ST3GAL1: variants seen among roughly 807,000 people sequenced by gnomAD.
ST3GAL1 encodes the protein ST3 beta-galactoside alpha-2,3-sialyltransferase 1.
ST3GAL1 carries 16 observed loss-of-function variants against 34.1 expected under a neutral mutation model. The ratio of observed to expected loss-of-function variants is 0.47; its 90% CI spans 0.32 to 0.71. The LOEUF (loss-of-function observed/expected upper bound fraction) is 0.71, where lower values mean the gene tolerates loss of function less well. Among genes scored for constraint, ST3GAL1 ranks in the 30% least tolerant of loss-of-function variants. The pLI is 0.04. For synonymous variants in ST3GAL1, 191 were observed against 184.7 expected, an observed-to-expected ratio of 1.03 and a Z score of -0.28; for missense variants, 353 against 447.4, an observed-to-expected ratio of 0.79 and a Z score of 1.90.
At chr8:133,531,814 GAAAAAAAAA>G (rs55909710) in intron 2 of ST3GAL1, among the ~76,000 whole-genome samples, 1 of 99,876 alleles carries the variant, frequency 1.0e-5, no homozygotes, top group Admixed American at 1.1e-4. Context: ...CTTAAAAACA[GAAAAAAAAA>G]AAAAAAAAAA....
chr8:133,541,145 A>AGAGAGAGAGG (rs1818515706), intron 2 of ST3GAL1, among the ~76,000 whole-genome samples: 1 of 140,644 alleles, frequency 7.1e-6, no homozygotes, highest in Non-Finnish European at 1.5e-5. Flanking sequence ...AGAGAGAGAG[A>AGAGAGAGAGG]GAGAGAGACT....
At chr8:133,485,114 T>A (rs1047853717) in intron 3 of ST3GAL1, among the ~76,000 whole-genome samples, 1 of 152,158 alleles carries the variant, frequency 6.6e-6, no homozygotes, top group African/African-American at 2.4e-5. Flanking sequence ...GTTCCTATGC[T>A]GGCCACTGTC....
At chr8:133,510,461 G>C (rs1383639642) in intron 2 of ST3GAL1, among the ~76,000 whole-genome samples, 35 of 152,232 alleles carry the variant, frequency 2.3e-4, no homozygotes, top group Admixed American at 2.3e-3. Flanking sequence ...TATCTGAAGA[G>C]AGCGGGTCCA....
At position 133,467,169 on chromosome 8, in the gene ST3GAL1, C is replaced by T. The variant is rs778239280; in HGVS notation, c.307-1079G>A. Among the ~76,000 whole-genome samples, 2 of 151,774 alleles carry T rather than the reference C, an allele frequency of 1.3e-5. No homozygotes were observed. Among genetic ancestry groups the T allele is most frequent in the African/African-American group, 2.4e-5 (1 of 41,326 alleles). On this transcript the variant is annotated intron_variant, in intron 5 of 9. Coordinates refer to ENST00000522652, the MANE Select transcript of ST3GAL1 (RefSeq NM_173344.3). The surrounding 1 kb of genome is among the most constrained non-coding windows in gnomAD (Gnocchi z 4.2). ...GAATGCCAGTCTTATTCCAGGGTGA[C>T]TAAATATTACTTATTTGCCCAGGTT...
intron 1 of ST3GAL1, among the ~76,000 whole-genome samples, chr8:133,563,072 C>G (rs1819294394): frequency 6.6e-6 from 1 of 152,070 alleles, no homozygotes; most frequent in South Asian, 2.1e-4. Flanking sequence ...AGTAAATATG[C>G]ATGAAGGGAC....
At chr8:133,553,232 GC>G in intron 1 of ST3GAL1, among the ~76,000 whole-genome samples, 1 of 152,216 alleles carries the variant, frequency 6.6e-6, no homozygotes, top group South Asian at 2.1e-4. Flanking sequence ...ATTCATTGTG[GC>G]CAGAACGTAA....
chr8:133,488,350 C>T (rs1816678558), intron 3 of ST3GAL1: 1 of 152,262 alleles, frequency 6.6e-6, no homozygotes, highest in South Asian at 2.1e-4. Flanking sequence ...TGGTTAAGCT[C>T]TCCAATCAGT....
intron 1 of ST3GAL1, among the ~76,000 whole-genome samples, chr8:133,551,079 T>A (rs1818822398): frequency 6.6e-6 from 1 of 152,132 alleles, no homozygotes; most frequent in Non-Finnish European, 1.5e-5. Context: ...ATTATAGGGA[T>A]CTTTTCTGAG....
chr8:133,520,119 G>A (rs894320840), intron 2 of ST3GAL1, among the ~76,000 whole-genome samples: 6 of 152,200 alleles, frequency 3.9e-5, no homozygotes, highest in Non-Finnish European at 7.3e-5. Context: ...GCCAGGTAAC[G>A]TTTGTGGGGG....
intron 2 of ST3GAL1, among the ~76,000 whole-genome samples, chr8:133,543,835 T>C (rs1299733508): frequency 6.6e-6 from 1 of 152,132 alleles, no homozygotes; most frequent in East Asian, 1.9e-4. Flanking sequence ...CTGGATATGC[T>C]TGATTGTAAG....
At chr8:133,510,450 C>T (rs796893729) in intron 2 of ST3GAL1, among the ~76,000 whole-genome samples, 9 of 152,270 alleles carry the variant, frequency 5.9e-5, no homozygotes, top group African/African-American at 2.2e-4. Flanking sequence ...TAGTCTGCAC[C>T]TATCTGAAGA....
At chr8:133,487,740 G>A (rs566388608) in intron 3 of ST3GAL1, among the ~76,000 whole-genome samples, 2 of 152,160 alleles carry the variant, frequency 1.3e-5, no homozygotes, top group African/African-American at 2.4e-5. Flanking sequence ...AGGCTAAGGA[G>A]GGTGGATAAC....
At chr8:133,524,792 T>G (rs957498415) in intron 2 of ST3GAL1, among the ~76,000 whole-genome samples, 1 of 152,220 alleles carries the variant, frequency 6.6e-6, no homozygotes, top group Non-Finnish European at 1.5e-5. Context: ...CATGTCTGGA[T>G]GAAGAAGCAA....
chr8:133,501,295 C>T (rs1212009766), intron 2 of ST3GAL1, among the ~76,000 whole-genome samples: 1 of 152,118 alleles, frequency 6.6e-6, no homozygotes, highest in Non-Finnish European at 1.5e-5. Flanking sequence ...AGAAACTGCC[C>T]CAGACACAGG....
Position 133,459,543 on chromosome 8 carries a change from C to T in ST3GAL1, c.*221G>A. On this transcript the variant is annotated 3_prime_UTR_variant, in exon 10 of 10. Coordinates refer to ENST00000522652, the MANE Select transcript of ST3GAL1 (RefSeq NM_173344.3). The surrounding 1 kb of genome is among the most constrained non-coding windows in gnomAD (Gnocchi z 4.7). ...GGCAGCAGTGGGGGGACGTTGTCCC[C>T]ACTCAAGACAGGTTCCAAGACATGC... is the stretch of plus-strand genomic sequence containing the variant. 2.2e-6 allele frequency: 1 copy of T among 450,754 alleles called. No homozygotes were observed. The highest frequency in any genetic ancestry group is 3.8e-6 in the Non-Finnish European group (1 of 261,378). The allele number at this position is 450,754 out of a possible 1,614,324, so 27.9% of individuals were successfully genotyped here. A position where few individuals can be genotyped will look rare whatever the true frequency, so the allele number is the denominator to read the frequency against.
Position 133,459,948 on chromosome 8 carries a change from A to G in ST3GAL1, c.850-11T>C, listed in dbSNP as rs2130912029. 2 of 1,606,040 alleles carry G rather than the reference A, an allele frequency of 1.2e-6. No homozygotes were observed. The highest frequency in any genetic ancestry group is 4.5e-5 in the East Asian group (2 of 44,520). ...GCCGTACAAGTCCACCTGTGGGAGC[A>G]AAGCAAAGATGAGAACCAGACAGCA... is the stretch of plus-strand genomic sequence containing the variant. On this transcript the variant is annotated splice_polypyrimidine_tract_variant and intron_variant, in intron 9 of 9. Transcript: ENST00000522652. This position sits in a 1 kb window ranked among gnomAD's most constrained non-coding sequence, Gnocchi z 4.7.
chr8:133,483,597 A>T (rs150253275), intron 3 of ST3GAL1, among the ~76,000 whole-genome samples: 1 of 152,240 alleles, frequency 6.6e-6, no homozygotes, highest in African/African-American at 2.4e-5. Flanking sequence ...AACCAGTGGT[A>T]TTACACAAAT....
intron 3 of ST3GAL1, among the ~76,000 whole-genome samples, chr8:133,492,988 C>T (rs1586614727): frequency 6.6e-6 from 1 of 152,184 alleles, no homozygotes; most frequent in South Asian, 2.1e-4. Context: ...CGCCGAATGA[C>T]CGCTGGGAAT....
intron 2 of ST3GAL1, among the ~76,000 whole-genome samples, chr8:133,538,508 C>T (rs528241557): frequency 6.6e-6 from 1 of 152,252 alleles, no homozygotes; most frequent in South Asian, 2.1e-4. Context: ...GAGCGAGACT[C>T]CATCTCAAAA....
Sources: gnomAD v4.1 joint callset for allele counts (sites outside exome capture counted in the v4.1 genomes callset) on GRCh38, gnomAD v4.1.1 for gene constraint, Gnocchi (gnomAD v3.1) non-coding constraint, MANE v1.5 for transcripts, NCBI Gene and HGNC (gene_info 2026-07-23, HGNC 2026-07-21) for gene names.